The following IRF3 variants were observed in gnomAD, a reference collection of about 807,000 sequenced individuals.
IRF3 encodes interferon regulatory factor 3.
IRF3 carries 29 observed loss-of-function variants against 43.2 expected under a neutral mutation model. The ratio of observed to expected loss-of-function variants is 0.67; its 90% CI spans 0.50 to 0.91. IRF3 has a LOEUF of 0.91. IRF3 is among the 40% of genes least tolerant of loss of function. The pLI is 0.00. For missense variants in IRF3, 505 were observed against 559.1 expected, an observed-to-expected ratio of 0.90 and a Z score of 0.98; for synonymous variants, 228 against 233.9, an observed-to-expected ratio of 0.97 and a Z score of 0.23.
chr19:49,660,025 A>ACACACACACACACC (rs1568451939), intron 7 of IRF3, among the ~76,000 whole-genome samples, 192 bp from the exon 8 acceptor site: 23 of 110,188 alleles, frequency 2.1e-4, no homozygotes, highest in African/African-American at 9.5e-4. Context: ...ACACACACAC[A>ACACACACACACACC]CACCCCCTGC....
At position 49,661,955 on chromosome 19, in the gene IRF3, G is replaced by A. The variant is rs751364325; in HGVS notation, c.975C>T (p.Phe325=). 5 of 1,606,442 alleles carry A rather than the reference G, an allele frequency of 3.1e-6. No homozygotes were observed. The South Asian group carries it at 5.5e-5, about 18-fold the overall frequency. The part of the protein sequence containing the change: ...KEGGVFDLGP[F]IVDLITFTEG... Reference sequence around the variant, plus strand: ...AGCCCCTGTCTCACTCACCTACAATGAAGGGCCCCAGGTCAAACACGCCTC... The same window carrying A: ...AGCCCCTGTCTCACTCACCTACAATAAAGGGCCCCAGGTCAAACACGCCTC... The change falls in exon 6 of 8, where the codon TTC becomes TTT. Residue 325 remains phenylalanine (F), a synonymous_variant. Transcript: ENST00000377139.
At position 49,664,814 on chromosome 19, in the gene IRF3, G is replaced by A. The variant is rs1180141710; in HGVS notation, c.25C>T (p.Leu9=). The A allele has an allele frequency of 6.2e-7, 1 of 1,613,456 alleles. No individual in the cohort carries two copies. Among genetic ancestry groups the A allele is most frequent in the Non-Finnish European group, 8.5e-7 (1 of 1,179,828 alleles). ...TCCAGCTGCGACACCAGCCAGGGCA[G>A]GATCCGTGGCTTTGGGGTTCCCATG... is the stretch of plus-strand genomic sequence containing the variant. MGTPKPRI[L]PWLVSQLDLG... is the part of the protein sequence containing the mutation. The change falls in exon 2 of 8, where the codon CTG becomes TTG. Residue 9 remains leucine, a synonymous_variant. Transcript: ENST00000377139.
Position 49,663,334 on chromosome 19 carries a change from C to G in IRF3, c.337+9G>C, listed in dbSNP as rs2081439259. ...CCCAGCCTCCCACACGAACCCCAAG[C>G]TGGCAGACCTGAGTTCACAAACTCG... On this transcript the variant is annotated intron_variant, in intron 3 of 7. Coordinates refer to ENST00000377139, the MANE Select transcript of IRF3 (RefSeq NM_001571.6). 1 of 1,614,150 alleles carries G rather than the reference C, an allele frequency of 6.2e-7. No homozygotes were observed. Among genetic ancestry groups the G allele is most frequent in the Non-Finnish European group, 8.5e-7 (1 of 1,179,982 alleles).
chr19:49,660,499 A>G (rs2081275726), intron 7 of IRF3, among the ~76,000 whole-genome samples: 1 of 152,082 alleles, frequency 6.6e-6, no homozygotes, highest in Admixed American at 6.5e-5. Flanking sequence ...CCTGGTGCCA[A>G]ATAGTTTGGG....
rs772250226 is a variant in IRF3, at chr19:49,663,514, CCTGGGG to C, written c.166-6_166-1del. ...TATGCACCAGTGGCCTCGGCCCAGG[CCTGGGG>C]CAACAGTGGTGTCAGGATGGTGGGG... On this transcript the variant is annotated splice_acceptor_variant and splice_polypyrimidine_tract_variant and intron_variant, in intron 2 of 7. Transcript: ENST00000377139. LOFTEE classifies it high-confidence loss of function. 9.3e-6 allele frequency: 15 copies of C among 1,613,656 alleles called. No individual in the cohort carries two copies. The highest frequency in any genetic ancestry group is 1.7e-5 in the Admixed American group (1 of 59,998).
rs368333462 is a variant in IRF3, at chr19:49,662,020, C to T, written c.910G>A (p.Gly304Arg). 1.7e-5 allele frequency: 27 copies of T among 1,613,968 alleles called. No individual in the cohort carries two copies. Among genetic ancestry groups the T allele is most frequent in the Middle Eastern group, 3.3e-4 (2 of 6,084 alleles). Residue 304 changes from glycine (G) to arginine (R), a missense_variant, in exon 6 of 8, where the codon GGG becomes AGG. Transcript: ENST00000377139. Reference protein sequence around the residue: ...AVSEELLPNSGHGPDGEVPKD... With the variant: ...AVSEELLPNSRHGPDGEVPKD... Reference sequence around the variant, plus strand: ...GGGACCTCGCCATCAGGCCCATGCCCGCTGTTGGGGAGCAGCTCCTCGCTC... The same window carrying T: ...GGGACCTCGCCATCAGGCCCATGCCTGCTGTTGGGGAGCAGCTCCTCGCTC...
rs752173647 is a variant in IRF3, at chr19:49,665,825, T to C, written c.-203A>G. On this transcript the variant is annotated 5_prime_UTR_variant, in exon 1 of 8. Transcript: ENST00000377139. ...TTTGGGTAACAGACCCAAAAGCCGA[T>C]GGGACGGCCCGCTGGGCTGTTCCCG... The C allele has an allele frequency of 1.3e-6, 2 of 1,588,046 alleles. No homozygotes were observed. Among genetic ancestry groups the C allele is most frequent in the Non-Finnish European group, 1.7e-6 (2 of 1,160,336 alleles).
chr19:49,660,017 ACACACACACACC>A lies in IRF3; in HGVS notation c.1099-196_1099-185del, dbSNP rs1293851262. On this transcript the variant is annotated intron_variant, in intron 7 of 7. Coordinates refer to ENST00000377139, the MANE Select transcript of IRF3 (RefSeq NM_001571.6). ...CACACACACACACACACACACACAC[ACACACACACACC>A]CCCTGCTGTAACTGAACCATAGGCC... Among the ~76,000 whole-genome samples the A allele has an allele frequency of 1.0e-4, 12 of 119,340 alleles. 1 individual carries two copies. The highest frequency in any genetic ancestry group is 4.2e-4 in the African/African-American group (10 of 24,076). 78.3% of individuals were successfully genotyped at this position (119,340 alleles called of 152,430 possible).
rs1357087110 is a variant in IRF3, at chr19:49,663,241, G to A, written c.355C>T (p.Gln119Ter). 6.2e-7 allele frequency: 1 copy of A among 1,614,102 alleles called. No individual in the cohort carries two copies. The highest frequency in any genetic ancestry group is 1.1e-5 in the South Asian group (1 of 91,082). Reference protein sequence around the residue: ...FVNSGVGDFSQPDTSPDTNGG... With the variant: ...FVNSGVGDFS ...TTGGTGTCCGGAGAGGTGTCTGGCT[G>A]GGAAAAGTCCCCAACTCCTGTTGAG... The change falls in exon 4 of 8, where the codon CAG (glutamine) becomes TAG (stop). Residue 119 changes from glutamine (Q) to a stop codon, truncating the protein, a stop_gained. Coordinates refer to ENST00000377139, the MANE Select transcript of IRF3 (RefSeq NM_001571.6). LOFTEE classifies it high-confidence loss of function.
At chr19:49,665,110 G>A in intron 1 of IRF3, 1 of 437,846 alleles carries the variant, frequency 2.3e-6, no homozygotes, top group Non-Finnish European at 4.1e-6. Context: ...AATTCCGCCA[G>A]TATAGACCTC....
intron 6 of IRF3, chr19:49,661,506 G>A (rs922811763): frequency 6.4e-6 from 1 of 156,896 alleles, no homozygotes; most frequent in South Asian, 1.9e-4. Flanking sequence ...CACGGGCTCA[G>A]GGCAAAGTCC....
chr19:49,660,666 CTG>C, intron 7 of IRF3, 45 bp downstream of exon 7: 1 of 1,502,998 alleles, frequency 6.7e-7, no homozygotes, highest in Non-Finnish European at 8.9e-7. Flanking sequence ...CCTCTTCCCT[CTG>C]TAAGGCCACC....
Position 49,665,762 on chromosome 19 carries a change from T to C in IRF3, c.-140A>G. The C allele has an allele frequency of 6.5e-7, 1 of 1,541,094 alleles. No individual in the cohort carries two copies. The highest frequency in any genetic ancestry group is 8.8e-7 in the Non-Finnish European group (1 of 1,140,284). ...GCTCTAGAGCGCTGGGGCTTTCTTT[T>C]TGATCGACTTCTTGAAATAAAACCA... On this transcript the variant is annotated 5_prime_UTR_variant, in exon 1 of 8. Transcript: ENST00000377139.
rs1203442884 is a variant in IRF3 at position 49,664,680 on chromosome 19, G to A, written c.159C>T (p.Ile53=). ...CCCAGGTCGTCGCACGCACCTGGAAGATTCCGAAATCCTCCTGCTGTGCAT... is the reference window on the plus strand; with the variant it reads ...CCCAGGTCGTCGCACGCACCTGGAAAATTCCGAAATCCTCCTGCTGTGCAT... The part of the protein sequence containing the change: ...RQDAQQEDFG[I]FQAWAEATGA... The change falls in exon 2 of 8, where the codon ATC becomes ATT. Residue 53 remains isoleucine, a synonymous_variant. Coordinates refer to ENST00000377139, the MANE Select transcript of IRF3 (RefSeq NM_001571.6). 9.9e-6 allele frequency: 16 copies of A among 1,613,400 alleles called. No homozygotes were observed. Among genetic ancestry groups the A allele is most frequent in the Non-Finnish European group, 1.3e-5 (15 of 1,179,562 alleles).
In IRF3 at chr19:49,659,735, G is replaced by A. The variant is rs780896313; in HGVS notation, c.1197C>T (p.His399=). 6.2e-7 allele frequency: 1 copy of A among 1,613,964 alleles called. No individual in the cohort carries two copies. Among genetic ancestry groups the A allele is most frequent in the Non-Finnish European group, 8.5e-7 (1 of 1,179,932 alleles). The change falls in exon 8 of 8, where the codon CAC becomes CAT. Residue 399 remains histidine (H), a synonymous_variant. Transcript: ENST00000377139. The part of the protein sequence containing the change: ...NTVDLHISNS[H]PLSLTSDQYK... ...ACTGGTCGGAGGTGAGGGAGAGTGG[G>A]TGGCTGTTGGAAATGTGCAGGTCCA...
Position 49,660,806 on chromosome 19 carries a change from T to A in IRF3, c.1005A>T (p.Gly335=). The A allele has an allele frequency of 3.1e-6, 5 of 1,605,768 alleles. No individual in the cohort carries two copies. Among genetic ancestry groups the A allele is most frequent in the Non-Finnish European group, 4.2e-6 (5 of 1,176,536 alleles). ...GGGCATAGCGTGGTGAGCGTCCGCT[T>A]CCTTCCGTGAAGGTAATCAGATCTG... ...FIVDLITFTE[G]SGRSPRYALW... is the part of the protein sequence containing the mutation. The change falls in exon 7 of 8, where the codon GGA becomes GGT. Residue 335 remains glycine, a synonymous_variant. Coordinates refer to ENST00000377139, the MANE Select transcript of IRF3 (RefSeq NM_001571.6).
rs768649559 is a variant in IRF3, at chr19:49,662,511, C to T, written c.515G>A (p.Arg172Gln). ...VAPEPCPQPL[R>Q]SPSLDNPTPF... ...AGTGGGATTGTCCAAGCTGGGGCTC[C>T]GCAGGGGCTGAGGGCAGGGCTCAGG... is the stretch of plus-strand genomic sequence containing the variant. The change falls in exon 5 of 8, where the codon CGG becomes CAG. Residue 172 changes from arginine (R) to glutamine (Q), a missense_variant. By Grantham distance (43) the Arg-to-Gln change is conservative. Transcript: ENST00000377139. The T allele has an allele frequency of 1.1e-5, 17 of 1,558,316 alleles. No individual in the cohort carries two copies. Among genetic ancestry groups the T allele is most frequent in the East Asian group, 2.3e-5 (1 of 42,600 alleles).
At chr19:49,664,346 G>T in intron 2 of IRF3, 1 of 914,972 alleles carries the variant, frequency 1.1e-6, no homozygotes, top group Non-Finnish European at 1.6e-6. Context: ...CACCTCTGAT[G>T]TTTCAAGAAC....
At chr19:49,659,973 A>G (rs2081209025) in intron 7 of IRF3, 140 bp from the exon 8 acceptor site, 1 of 625,542 alleles carries the variant, frequency 1.6e-6, no homozygotes, top group African/African-American at 1.9e-5. Flanking sequence ...GGCTGCTGGG[A>G]GTTGTAGTTT....
Sources: allele counts gnomAD v4.1 joint callset (sites outside exome capture counted in the v4.1 genomes callset), GRCh38; gene constraint gnomAD v4.1.1; transcripts MANE v1.5; gene names NCBI Gene and HGNC (gene_info 2026-07-23, HGNC 2026-07-21).